The following DNAAF4 variants were observed in gnomAD, a reference collection of about 807,000 sequenced individuals.
DNAAF4 encodes the protein dynein axonemal assembly factor 4.
Under a neutral mutation model 51.8 loss-of-function variants are expected in DNAAF4, and 43 were observed. The observed-to-expected ratio is 0.83, with a 90% CI of 0.65 to 1.07. The LOEUF is 1.07. Among genes scored for constraint, DNAAF4 ranks in the 50% least tolerant of loss-of-function variants. DNAAF4 has a pLI of 0.00. For missense variants in DNAAF4, 581 were observed against 493.0 expected, an observed-to-expected ratio of 1.18 and a Z score of -1.69; for synonymous variants, 194 against 165.6, an observed-to-expected ratio of 1.17 and a Z score of -1.32.
intron 4 of DNAAF4, among the ~76,000 whole-genome samples, chr15:55,487,973 G>A (rs2058516027): frequency 6.6e-6 from 1 of 152,036 alleles, no homozygotes; most frequent in Admixed American, 6.5e-5. Context: ...CACAGCAGGG[G>A]CTTTAAAAGC....
At chr15:55,451,553 G>T (rs184177985) in intron 5 of DNAAF4, among the ~76,000 whole-genome samples, 30 of 150,994 alleles carry the variant, frequency 2.0e-4, no homozygotes. Context: ...GAATTTGAGA[G>T]CAAAATGAAA....
rs2058669690 is a variant in DNAAF4 at position 55,498,453 on chromosome 15, C to T, written c.-124G>A. 7.0e-7 allele frequency: 1 copy of T among 1,432,054 alleles called. No homozygotes were observed. The highest frequency in any genetic ancestry group is 2.7e-5 in the Admixed American group (1 of 36,860). The allele number at this position is 1,432,054 out of a possible 1,614,324, so 88.7% of individuals were successfully genotyped here. A position where few individuals can be genotyped will look rare whatever the true frequency, so the allele number is the denominator to read the frequency against. On this transcript the variant is annotated 5_prime_UTR_variant, in exon 2 of 10. The change creates a premature stop within an existing upstream ORF in the 5' untranslated region. Coordinates refer to ENST00000321149, the MANE Select transcript of DNAAF4 (RefSeq NM_130810.4). ...AGGCCGGCCGGGAGCCCGGCGTTCCCAGCGTGCTCCGGCGCCAGCACCTCG... is the reference window on the plus strand; with the variant it reads ...AGGCCGGCCGGGAGCCCGGCGTTCCTAGCGTGCTCCGGCGCCAGCACCTCG...
rs796524111 is a variant in DNAAF4, at chr15:55,476,191, G to A, written c.406-9030C>T. Among the ~76,000 whole-genome samples, 17 of 152,272 alleles carry A rather than the reference G, an allele frequency of 1.1e-4. 1 individual carries two copies. The highest frequency in any genetic ancestry group is 4.1e-4 in the African/African-American group (17 of 41,560). ...TTTTTAAAAAAGGGCAGGGCATGGG[G>A]AGGTGGCTCGCACCTGCAATCCCAG... is the stretch of plus-strand genomic sequence containing the variant. On this transcript the variant is annotated intron_variant, in intron 4 of 9. Coordinates refer to ENST00000321149, the MANE Select transcript of DNAAF4 (RefSeq NM_130810.4).
chr15:55,431,363 C>G (rs1283681594), intron 9 of DNAAF4, among the ~76,000 whole-genome samples: 1 of 27,730 alleles, frequency 3.6e-5, no homozygotes, highest in East Asian at 3.7e-4. Flanking sequence ...TGTGTATACA[C>G]ACACACACAC....
chr15:55,425,522 C>T (rs1196808497), downstream of DNAAF4, among the ~76,000 whole-genome samples: 4 of 152,144 alleles, frequency 2.6e-5, no homozygotes, highest in Admixed American at 6.6e-5. Flanking sequence ...ATGAAAAGAA[C>T]TAAGCCTCGT....
intron 6 of DNAAF4, among the ~76,000 whole-genome samples, chr15:55,442,246 G>A (rs2057726184): frequency 6.6e-6 from 1 of 152,136 alleles, no homozygotes; most frequent in Admixed American, 6.6e-5. Flanking sequence ...AGCCTCCTGA[G>A]TAGCTGGGAC....
intron 7 of DNAAF4, among the ~76,000 whole-genome samples, chr15:55,420,789 A>G (rs927957211): frequency 1.3e-5 from 2 of 152,188 alleles, no homozygotes; most frequent in African/African-American, 4.8e-5. Flanking sequence ...CAGGTGCCCA[A>G]TTCATGGCAA....
chr15:55,443,823 C>A (rs529855557), intron 6 of DNAAF4, among the ~76,000 whole-genome samples: 3 of 152,110 alleles, frequency 2.0e-5, no homozygotes, highest in Non-Finnish European at 4.4e-5. Flanking sequence ...TTTCATGTAT[C>A]TGTTGGCTGC....
intron 1 of DNAAF4, among the ~76,000 whole-genome samples, chr15:55,504,387 C>A (rs2058715600): frequency 6.6e-6 from 1 of 152,176 alleles, no homozygotes; most frequent in Admixed American, 6.5e-5. Flanking sequence ...CAACAAGCTA[C>A]CAATGACTTT....
chr15:55,448,520 GTGTGTGTGTGTGTGTGTGT>G (rs1187112933), intron 6 of DNAAF4, among the ~76,000 whole-genome samples: 34 of 30,384 alleles, frequency 1.1e-3, no homozygotes, highest in African/African-American at 4.8e-3. Flanking sequence ...AAAAAAAAGG[GTGTGTGTGTGTGTGTGTGT>G]GTGTGTGTGT....
At chr15:55,466,824 G>A in intron 5 of DNAAF4, 106 bp downstream of exon 5, 2 of 1,389,004 alleles carry the variant, frequency 1.4e-6, no homozygotes, top group Non-Finnish European at 9.8e-7. Flanking sequence ...TTCTCAATGT[G>A]CCAAAACAGT....
At chr15:55,449,617 T>C (rs1468524902) in intron 6 of DNAAF4, among the ~76,000 whole-genome samples, 1 of 149,460 alleles carries the variant, frequency 6.7e-6, no homozygotes, top group Non-Finnish European at 1.5e-5. Flanking sequence ...TGAACTGAGA[T>C]TGTGCCCACT....
At chr15:55,482,736 G>C (rs867956826) in intron 4 of DNAAF4, among the ~76,000 whole-genome samples, 1 of 152,004 alleles carries the variant, frequency 6.6e-6, no homozygotes, top group Non-Finnish European at 1.5e-5. Flanking sequence ...GTACATGAAT[G>C]GTCATAGTAG....
chr15:55,474,851 A>G (rs627597), intron 4 of DNAAF4, among the ~76,000 whole-genome samples: 116,217 of 151,914 alleles, frequency 0.77, 44,909 homozygotes, highest in East Asian at 0.93. Context: ...GCAGTGGCGC[A>G]CGCCGTAATC....
intron 7 of DNAAF4, among the ~76,000 whole-genome samples, chr15:55,424,242 T>TG (rs1474679529): frequency 6.6e-6 from 1 of 152,202 alleles, no homozygotes; most frequent in Admixed American, 6.5e-5. Context: ...TCTTGCATGC[T>TG]GTCTTACTAT....
At chr15:55,427,170 A>C (rs796595649), downstream of DNAAF4, among the ~76,000 whole-genome samples, 23 of 151,444 alleles carry the variant, frequency 1.5e-4, 1 homozygote, top group African/African-American at 5.6e-4. Flanking sequence ...GGGTTCAAGC[A>C]ATTCTCTGCC....
chr15:55,482,252 T>C (rs914062752), intron 4 of DNAAF4, among the ~76,000 whole-genome samples: 11 of 149,234 alleles, frequency 7.4e-5, no homozygotes, highest in Admixed American at 2.7e-4. Context: ...AGAATCATCA[T>C]ACATTGTTGG....
chr15:55,421,377 C>T (rs763751862), intron 7 of DNAAF4, among the ~76,000 whole-genome samples: 4 of 151,938 alleles, frequency 2.6e-5, no homozygotes, highest in Non-Finnish European at 2.9e-5. Flanking sequence ...GTGGTGCATG[C>T]CTGTAATCCC....
In DNAAF4 at chr15:55,457,064, C is replaced by T. The variant is rs950913801; in HGVS notation, c.638-6697G>A. 2.0e-5 allele frequency among the ~76,000 whole-genome samples: 3 copies of T among 152,236 alleles called. No individual in the cohort carries two copies. In the East Asian group the frequency reaches 5.8e-4, roughly 29 times the overall value. ...AGGGGGCAAATGGGAAGTACAGATGCGAGTGCAGAAGCCACAGCCAATAGT... is the reference window on the plus strand; with the variant it reads ...AGGGGGCAAATGGGAAGTACAGATGTGAGTGCAGAAGCCACAGCCAATAGT... On this transcript the variant is annotated intron_variant, in intron 5 of 9. Coordinates refer to ENST00000321149, the MANE Select transcript of DNAAF4 (RefSeq NM_130810.4).
Sources: gnomAD v4.1 joint callset for allele counts (sites outside exome capture counted in the v4.1 genomes callset) on GRCh38, gnomAD v4.1.1 for gene constraint, MANE v1.5 for transcripts, NCBI Gene and HGNC (gene_info 2026-07-23, HGNC 2026-07-21) for gene names.